MTCL1: variants seen among roughly 807,000 people sequenced by gnomAD.
The protein encoded by MTCL1 is microtubule crosslinking factor 1.
Under a neutral mutation model 141.4 loss-of-function variants are expected in MTCL1, and 79 were observed. The ratio of observed to expected loss-of-function variants is 0.56; its 90% CI spans 0.47 to 0.67. MTCL1 has a LOEUF of 0.67. Ranked by LOEUF, MTCL1 falls within the 30% of genes least tolerant of loss-of-function variation. The pLI is 0.00. For synonymous variants in MTCL1, 914 were observed against 875.8 expected, an observed-to-expected ratio of 1.04 and a Z score of -0.77; for missense variants, 2,177 against 2,113.9, an observed-to-expected ratio of 1.03 and a Z score of -0.59.
rs1314962048 is a variant in MTCL1, at chr18:8,831,704, A to C, written c.*116A>C. The C allele has an allele frequency of 1.9e-5, 29 of 1,550,576 alleles. No individual in the cohort carries two copies. The East Asian group carries it at 4.6e-4, about 25-fold the overall frequency. ...CGCCCTCCGTCCCGTTGGGCCCCAC[A>C]TTCCCCCACTGCCTCACAGCCTCAG... On this transcript the variant is annotated 3_prime_UTR_variant, in exon 17 of 17. Coordinates refer to ENST00000359865, the Ensembl canonical transcript of MTCL1.
chr18:8,824,521 A>G (rs585117), intron 14 of MTCL1, among the ~76,000 whole-genome samples, 178 bp from the exon 14 acceptor site: 31,428 of 152,224 alleles, frequency 0.21, 3,538 homozygotes, highest in African/African-American at 0.26. Context: ...GCAGAGTCCA[A>G]TAAATGCCCG....
intron 15 of MTCL1, among the ~76,000 whole-genome samples, chr18:8,827,492 T>A (rs888916426): frequency 9.2e-5 from 14 of 152,208 alleles, no homozygotes; most frequent in African/African-American, 3.4e-4. Context: ...TTCCAAGATC[T>A]GAGTCTTTGT....
At chr18:8,743,873 G>A (rs939022326) in intron 4 of MTCL1, among the ~76,000 whole-genome samples, 4 of 152,184 alleles carry the variant, frequency 2.6e-5, no homozygotes, top group Admixed American at 6.5e-5. Flanking sequence ...TATTTGAGGG[G>A]CATTATTCTG....
chr18:8,753,507 A>G (rs1197653799), intron 4 of MTCL1, among the ~76,000 whole-genome samples: 1 of 152,216 alleles, frequency 6.6e-6, no homozygotes, highest in African/African-American at 2.4e-5. Context: ...CCCCACATCC[A>G]GTAAGCATGA....
intron 4 of MTCL1, among the ~76,000 whole-genome samples, chr18:8,766,017 TC>T (rs2096458025): frequency 2.6e-5 from 4 of 152,248 alleles, no homozygotes; most frequent in Non-Finnish European, 5.9e-5. Flanking sequence ...ATGCACACAT[TC>T]ACCCTTATGT....
chr18:8,710,080 T>G (rs145289853), intron 1 of MTCL1, among the ~76,000 whole-genome samples: 1,969 of 152,338 alleles, frequency 0.013, 43 homozygotes, highest in African/African-American at 0.045. Flanking sequence ...CTTCAGGTGA[T>G]CTGCCCGCCT....
chr18:8,813,063 C>T lies in MTCL1; in HGVS notation c.2689C>T (p.His897Tyr), dbSNP rs756913601. 11 of 1,614,070 alleles carry T rather than the reference C, an allele frequency of 6.8e-6. No homozygotes were observed. In the East Asian group the frequency reaches 2.4e-4, roughly 36 times the overall value. Residue 897 changes from histidine (H) to tyrosine (Y), a missense_variant, in exon 12 of 17, where the codon CAC (histidine) becomes TAC (tyrosine). By Grantham distance (83) the His-to-Tyr change is moderately conservative (BLOSUM62 2). Transcript: ENST00000359865. ...GGCCTTGAAGAAGGAGAGAGAGGTG[C>T]ACCAGAAGCTCCTGGCAGACAGTCA...
chr18:8,796,573 C>G, intron 9 of MTCL1, 111 bp downstream of exon 8: 1 of 1,119,862 alleles, frequency 8.9e-7, no homozygotes, highest in South Asian at 1.6e-5. Flanking sequence ...TTTTATTTCT[C>G]AATATTTGGT....
In MTCL1 at chr18:8,762,409, C is replaced by T. The variant is rs549205656; in HGVS notation, c.358-15424C>T. 1.6e-4 allele frequency among the ~76,000 whole-genome samples: 25 copies of T among 152,342 alleles called. No individual in the cohort carries two copies. The East Asian group carries it at 3.5e-3, about 21-fold the overall frequency. ...GGGACATTTAAACTAGGGTAGCTGC[C>T]GCGACTGCTCTCAGCCCAAACATTA... On this transcript the variant is annotated intron_variant, in intron 4 of 16. Transcript: ENST00000359865.
intron 12 of MTCL1, among the ~76,000 whole-genome samples, chr18:8,813,901 T>G (rs571561142): frequency 1.6e-4 from 25 of 152,336 alleles, no homozygotes; most frequent in Non-Finnish European, 2.6e-4. Context: ...ACAGTTTGCA[T>G]AGTTGCAGTA....
At chr18:8,732,487 G>T (rs904143945) in intron 4 of MTCL1, among the ~76,000 whole-genome samples, 1 of 152,034 alleles carries the variant, frequency 6.6e-6, no homozygotes, top group Non-Finnish European at 1.5e-5. Flanking sequence ...TACTCCATAG[G>T]ATTCTCTACG....
chr18:8,805,298 C>G (rs2076260587), intron 10 of MTCL1, among the ~76,000 whole-genome samples: 1 of 152,098 alleles, frequency 6.6e-6, no homozygotes, highest in African/African-American at 2.4e-5. Context: ...GTCTGTTGTT[C>G]CCATCTCTGT....
intron 10 of MTCL1, chr18:8,800,858 G>T (rs1230037436): frequency 6.7e-6 from 1 of 148,838 alleles, no homozygotes; most frequent in Non-Finnish European, 1.5e-5. Flanking sequence ...TTGAAAAGAA[G>T]TTACTTTTTC....
At chr18:8,739,341 C>T (rs2096289827) in intron 4 of MTCL1, among the ~76,000 whole-genome samples, 1 of 152,184 alleles carries the variant, frequency 6.6e-6, no homozygotes, top group South Asian at 2.1e-4. Context: ...CACCAGAAAG[C>T]ACACCCTCCA....
At chr18:8,726,278 CTTTTTTTCTTTTTTTTT>C (rs1348660064) in intron 4 of MTCL1, among the ~76,000 whole-genome samples, 3 of 78,048 alleles carry the variant, frequency 3.8e-5, no homozygotes, top group African/African-American at 1.6e-4. Context: ...GCTTTTTTTT[CTTTTTTTCTTTTTTTTT>C]TTTTTTTTTT....
chr18:8,790,646 G>A (rs1219293947), intron 7 of MTCL1, among the ~76,000 whole-genome samples: 1 of 152,192 alleles, frequency 6.6e-6, no homozygotes, highest in African/African-American at 2.4e-5. Context: ...AAAATAGAAA[G>A]TATCCTCTTA....
intron 4 of MTCL1, among the ~76,000 whole-genome samples, chr18:8,757,084 A>T (rs911654906): frequency 4.6e-5 from 7 of 152,212 alleles, no homozygotes; most frequent in African/African-American, 1.7e-4. Flanking sequence ...GTTGACCTGC[A>T]TTCTGTCATT....
At chr18:8,714,443 C>A (rs1053461612), upstream of MTCL1, among the ~76,000 whole-genome samples, 14 of 152,124 alleles carry the variant, frequency 9.2e-5, no homozygotes, top group African/African-American at 3.4e-4. Context: ...TTTTATACTT[C>A]TGTGAAACAC....
chr18:8,759,704 C>T (rs558725446), intron 4 of MTCL1, among the ~76,000 whole-genome samples: 1 of 152,270 alleles, frequency 6.6e-6, no homozygotes, highest in South Asian at 2.1e-4. Context: ...GCATAAATTT[C>T]CAGAAAAAAG....
Sources: allele counts gnomAD v4.1 joint callset (sites outside exome capture counted in the v4.1 genomes callset), GRCh38; gene constraint gnomAD v4.1.1; transcripts MANE v1.5; gene names NCBI Gene and HGNC (gene_info 2026-07-23, HGNC 2026-07-21).